ESRRB: variants seen among roughly 807,000 people sequenced by gnomAD.
The protein encoded by ESRRB is steroid hormone receptor ERR2.
In ESRRB, 16 loss-of-function variants were observed where a neutral mutation model predicts 46.0. The ratio of observed to expected loss-of-function variants is 0.35; its 90% CI spans 0.24 to 0.53. ESRRB has a LOEUF of 0.53. Ranked by LOEUF, ESRRB falls within the 20% of genes least tolerant of loss-of-function variation. The pLI, the probability that ESRRB is intolerant of heterozygous loss-of-function variation, is 0.93. For missense variants in ESRRB, 488 were observed against 607.4 expected, an observed-to-expected ratio of 0.80 and a Z score of 2.07; for synonymous variants, 246 against 259.6, an observed-to-expected ratio of 0.95 and a Z score of 0.50.
At chr14:76,335,567 G>A (rs1158799035) in intron 1 of ESRRB, among the ~76,000 whole-genome samples, 2 of 152,358 alleles carry the variant, frequency 1.3e-5, no homozygotes, top group East Asian at 3.9e-4. Flanking sequence ...AGAGTGTACA[G>A]TTAGGTGAAA....
upstream of ESRRB, among the ~76,000 whole-genome samples, chr14:76,371,986 C>G (rs1884636102): frequency 6.6e-6 from 1 of 152,102 alleles, no homozygotes; most frequent in Non-Finnish European, 1.5e-5. Flanking sequence ...GAGGCTGCCT[C>G]AAGAGAGGGA....
At chr14:76,321,305 C>T (rs1352562848) in intron 1 of ESRRB, among the ~76,000 whole-genome samples, 1 of 152,198 alleles carries the variant, frequency 6.6e-6, no homozygotes, top group Admixed American at 6.5e-5. Flanking sequence ...GTTGGACTTT[C>T]ACAGTCCAGG....
chr14:76,406,397 C>T (rs1272282892), intron 1 of ESRRB, among the ~76,000 whole-genome samples: 1 of 152,132 alleles, frequency 6.6e-6, no homozygotes, highest in Admixed American at 6.5e-5. Context: ...TCCAGATACC[C>T]ATTAGCTCCC....
At chr14:76,396,342 C>G (rs1168910529) in intron 1 of ESRRB, among the ~76,000 whole-genome samples, 2 of 151,924 alleles carry the variant, frequency 1.3e-5, no homozygotes, top group East Asian at 3.9e-4. Flanking sequence ...GCTCTAAATG[C>G]TGGGTATATG....
At chr14:76,344,828 G>A (rs1232801983) in intron 1 of ESRRB, among the ~76,000 whole-genome samples, 2 of 122,998 alleles carry the variant, frequency 1.6e-5, no homozygotes, top group Non-Finnish European at 3.5e-5. Context: ...CTCCAGCCTG[G>A]GTGACAGAGA....
At chr14:76,470,217 T>A (rs1889325332) in intron 3 of ESRRB, among the ~76,000 whole-genome samples, 1 of 152,126 alleles carries the variant, frequency 6.6e-6, no homozygotes, top group Non-Finnish European at 1.5e-5. Flanking sequence ...CCCAAAGTGT[T>A]GGGATTATAG....
At chr14:76,413,417 T>G (rs929462173) in intron 1 of ESRRB, among the ~76,000 whole-genome samples, 1 of 152,194 alleles carries the variant, frequency 6.6e-6, no homozygotes, top group African/African-American at 2.4e-5. Context: ...CTCTGTGACT[T>G]GCACATACTG....
intron 2 of ESRRB, among the ~76,000 whole-genome samples, chr14:76,446,744 G>A (rs1390006700): frequency 6.6e-6 from 1 of 152,158 alleles, no homozygotes. Flanking sequence ...GAATTTGCAG[G>A]TCAGGCAGAC....
intron 1 of ESRRB, among the ~76,000 whole-genome samples, chr14:76,409,636 G>A (rs571587607): frequency 3.3e-5 from 5 of 151,652 alleles, no homozygotes; most frequent in South Asian, 4.2e-4. Flanking sequence ...GGACCTAATC[G>A]GATTTGAGCA....
chr14:76,482,225 A>C lies in ESRRB; in HGVS notation c.688+99A>C. ...ATCATCTTCCCACCACTGGGTCATG[A>C]GACAATGTGGATCTTGGGGAGGTGA... On this transcript the variant is annotated intron_variant, in intron 4 of 6. Coordinates refer to ENST00000644823, the MANE Select transcript of ESRRB (RefSeq NM_001379180.1). This position sits in a 1 kb window ranked among gnomAD's most constrained non-coding sequence, Gnocchi z 4.3. The C allele has an allele frequency of 1.1e-6, 1 of 907,562 alleles. No individual in the cohort carries two copies. Among genetic ancestry groups the C allele is most frequent in the Non-Finnish European group, 1.8e-6 (1 of 558,758 alleles). 56.2% of individuals were successfully genotyped at this position (907,562 alleles called of 1,614,324 possible).
At chr14:76,429,898 T>C (rs1356425348) in intron 1 of ESRRB, among the ~76,000 whole-genome samples, 3 of 152,092 alleles carry the variant, frequency 2.0e-5, no homozygotes, top group Non-Finnish European at 2.9e-5. Context: ...GTGCACAGAA[T>C]TGGATTCTTC....
intron 1 of ESRRB, among the ~76,000 whole-genome samples, chr14:76,435,469 T>A (rs944084761): frequency 1.3e-5 from 2 of 152,184 alleles, no homozygotes; most frequent in Admixed American, 6.5e-5. Context: ...ACTTGGCACA[T>A]AGTAGGTGCA....
In ESRRB at chr14:76,351,986, TAAAAAAAAA is replaced by T. The variant is rs201356393; in HGVS notation, c.2+41085_2+41093del. On this transcript the variant is annotated intron_variant, in intron 1 of 6. Coordinates refer to the ESRRB transcript ENST00000512784. Reference sequence around the variant, plus strand: ...GGAGACAGAGTGAGACCCAGTCTCTTAAAAAAAAAAAAAAAAAAAAAAAGCAAACTCCAA... The same window carrying T: ...GGAGACAGAGTGAGACCCAGTCTCTTAAAAAAAAAAAAAAGCAAACTCCAA... 3.2e-3 allele frequency among the ~76,000 whole-genome samples: 294 copies of T among 91,782 alleles called. 4 individuals are homozygous for T. The highest frequency in any genetic ancestry group is 0.013 in the African/African-American group (276 of 20,874). The allele number at this position is 91,782 out of a possible 152,430, so 60.2% of individuals were successfully genotyped here.
intron 1 of ESRRB, among the ~76,000 whole-genome samples, chr14:76,335,446 A>G (rs1012237521): frequency 6.6e-6 from 1 of 152,208 alleles, no homozygotes; most frequent in African/African-American, 2.4e-5. Context: ...GTACAATTTA[A>G]TGTACACATG....
chr14:76,417,001 G>A (rs1044026423), intron 1 of ESRRB, among the ~76,000 whole-genome samples: 1 of 152,140 alleles, frequency 6.6e-6, no homozygotes, highest in Non-Finnish European at 1.5e-5. Flanking sequence ...GCCGGGCATG[G>A]TGGCGGGCAC....
intron 3 of ESRRB, among the ~76,000 whole-genome samples, chr14:76,467,658 C>T (rs527647950): frequency 1.3e-4 from 20 of 152,216 alleles, no homozygotes; most frequent in African/African-American, 2.4e-4. Context: ...TCTTAAAAGA[C>T]GGCCTTGTCT....
intron 1 of ESRRB, among the ~76,000 whole-genome samples, chr14:76,353,777 C>T (rs112229905): frequency 1.4e-4 from 22 of 151,880 alleles, no homozygotes; most frequent in East Asian, 1.9e-4. Flanking sequence ...CATAGTGAGA[C>T]GCTATGTCTC....
intron 1 of ESRRB, among the ~76,000 whole-genome samples, chr14:76,351,313 T>C (rs1595052079): frequency 6.6e-6 from 1 of 152,230 alleles, no homozygotes; most frequent in South Asian, 2.1e-4. Flanking sequence ...GATCAAGGTA[T>C]GGGCAGTGCC....
Position 76,482,701 on chromosome 14 carries a change from C to T in ESRRB, c.792C>T (p.Leu264=). 6.2e-7 allele frequency: 1 copy of T among 1,614,216 alleles called. No homozygotes were observed. The highest frequency in any genetic ancestry group is 8.5e-7 in the Non-Finnish European group (1 of 1,180,042). Residue 264 remains leucine (L), a synonymous_variant, in exon 5 of 7, where the codon CTC becomes CTT. Coordinates refer to ENST00000644823, the MANE Select transcript of ESRRB (RefSeq NM_001379180.1). This position sits in a 1 kb window ranked among gnomAD's most constrained non-coding sequence, Gnocchi z 4.3. ...PEGDIKALTT[L]CDLADRELVV... Reference sequence around the variant, plus strand: ...GGGACATCAAGGCCCTGACCACTCTCTGTGACCTGGCAGACCGAGAGCTTG... The same window carrying T: ...GGGACATCAAGGCCCTGACCACTCTTTGTGACCTGGCAGACCGAGAGCTTG...
Sources: gnomAD v4.1 joint callset for allele counts (sites outside exome capture counted in the v4.1 genomes callset) on GRCh38, gnomAD v4.1.1 for gene constraint, Gnocchi (gnomAD v3.1) non-coding constraint, MANE v1.5 for transcripts, NCBI Gene and HGNC (gene_info 2026-07-23, HGNC 2026-07-21) for gene names.